GPR137C: variants seen among roughly 807,000 people sequenced by gnomAD.
GPR137C encodes G protein-coupled receptor 137C.
GPR137C carries 27 observed loss-of-function variants against 43.4 expected under a neutral mutation model. The observed-to-expected ratio is 0.62, with a 90% CI of 0.46 to 0.86. The LOEUF is 0.86. GPR137C is among the 40% of genes least tolerant of loss of function. GPR137C has a pLI of 0.00. For missense variants in GPR137C, 522 were observed against 534.6 expected (o/e 0.98, Z 0.23); for synonymous variants, 285 against 226.9 (o/e 1.26, Z -2.30).
At chr14:52,586,565 T>G (rs958490411) in intron 1 of GPR137C, among the ~76,000 whole-genome samples, 2 of 152,228 alleles carry the variant, frequency 1.3e-5, no homozygotes, top group Non-Finnish European at 2.9e-5. Flanking sequence ...CTGATTCTTA[T>G]GTTTCTCTCC....
At chr14:52,564,608 T>G (rs1375576980) in intron 1 of GPR137C, among the ~76,000 whole-genome samples, 1 of 152,150 alleles carries the variant, frequency 6.6e-6, no homozygotes, top group Non-Finnish European at 1.5e-5. Flanking sequence ...TCCAAAATTA[T>G]AGACTAGTAG....
intron 3 of GPR137C, among the ~76,000 whole-genome samples, chr14:52,626,704 A>T (rs187129499): frequency 9.2e-5 from 14 of 152,296 alleles, no homozygotes; most frequent in Non-Finnish European, 1.6e-4. Context: ...TGCAGATAAC[A>T]ATTGTTTAAG....
chr14:52,601,476 TTATG>T (rs2038923343), intron 3 of GPR137C, among the ~76,000 whole-genome samples: 1 of 137,620 alleles, frequency 7.3e-6, no homozygotes, highest in Non-Finnish European at 1.6e-5. Context: ...GGGGGAGATA[TTATG>T]TGTGTGTGTG....
At position 52,636,812 on chromosome 14, in the gene GPR137C, A is replaced by T. The variant is rs1385932932; in HGVS notation, c.*1697A>T. 6.6e-6 allele frequency: 1 copy of T among 152,122 alleles called. No individual in the cohort carries two copies. The highest frequency in any genetic ancestry group is 1.5e-5 in the Non-Finnish European group (1 of 67,986). 9.4% of individuals were successfully genotyped at this position (152,122 alleles called of 1,614,324 possible). On this transcript the variant is annotated 3_prime_UTR_variant, in exon 7 of 7. Transcript: ENST00000321662. Reference sequence around the variant, plus strand: ...TCTCTCATTGTAACCAAATTATTTTAAAATGTATAGTATAAAAAGTTACCC... The same window carrying T: ...TCTCTCATTGTAACCAAATTATTTTTAAATGTATAGTATAAAAAGTTACCC...
chr14:52,620,730 A>G (rs926018101), intron 3 of GPR137C, among the ~76,000 whole-genome samples: 3 of 152,006 alleles, frequency 2.0e-5, no homozygotes, highest in Non-Finnish European at 4.4e-5. Context: ...AATAAAAACT[A>G]TTAAAAAAAC....
chr14:52,631,672 C>G (rs959473039), intron 3 of GPR137C, among the ~76,000 whole-genome samples: 2 of 152,078 alleles, frequency 1.3e-5, no homozygotes, highest in African/African-American at 2.4e-5. Flanking sequence ...GCCATCAACA[C>G]TGTAGCATCA....
At chr14:52,582,383 C>A (rs2038659049) in intron 1 of GPR137C, among the ~76,000 whole-genome samples, 1 of 152,168 alleles carries the variant, frequency 6.6e-6, no homozygotes, top group Non-Finnish European at 1.5e-5. Context: ...TTCCTCAAGT[C>A]TTGGGATACT....
At chr14:52,567,528 CATTAGAA>C (rs1407686953) in intron 1 of GPR137C, among the ~76,000 whole-genome samples, 1 of 152,138 alleles carries the variant, frequency 6.6e-6, no homozygotes, top group African/African-American at 2.4e-5. Context: ...TCCTAAACCA[CATTAGAA>C]ATTAGAAGGA....
At chr14:52,567,619 G>A (rs1195721081) in intron 1 of GPR137C, among the ~76,000 whole-genome samples, 1 of 151,244 alleles carries the variant, frequency 6.6e-6, no homozygotes, top group Admixed American at 6.6e-5. Context: ...GCTATTGTCA[G>A]CGTTCATCAC....
At chr14:52,554,738 T>G (rs2038167297) in intron 1 of GPR137C, among the ~76,000 whole-genome samples, 1 of 151,924 alleles carries the variant, frequency 6.6e-6, no homozygotes, top group Non-Finnish European at 1.5e-5. Flanking sequence ...TGACGTATAT[T>G]AAGTGTTTAT....
At chr14:52,600,836 A>T (rs1456860511) in intron 3 of GPR137C, among the ~76,000 whole-genome samples, 2 of 152,236 alleles carry the variant, frequency 1.3e-5, no homozygotes, top group Non-Finnish European at 2.9e-5. Context: ...AAATCATGCT[A>T]GCATCTTAAG....
chr14:52,563,106 ATTAAC>A (rs1316175608), intron 1 of GPR137C, among the ~76,000 whole-genome samples: 5 of 152,116 alleles, frequency 3.3e-5, no homozygotes, highest in African/African-American at 1.2e-4. Flanking sequence ...CCTCATTCAA[ATTAAC>A]TTCTCAGCAG....
intron 3 of GPR137C, chr14:52,612,393 T>C: frequency 4.1e-6 from 4 of 977,344 alleles, no homozygotes; most frequent in Non-Finnish European, 4.9e-6. Flanking sequence ...CTTTAAGTGG[T>C]TTTCAAAAAA....
chr14:52,634,636 G>C (rs1566628972), intron 6 of GPR137C, among the ~76,000 whole-genome samples: 1 of 151,944 alleles, frequency 6.6e-6, no homozygotes. Flanking sequence ...TACATACATA[G>C]ATGTCTTAGA....
At chr14:52,594,982 T>C (rs1190244297) in intron 1 of GPR137C, among the ~76,000 whole-genome samples, 1 of 152,198 alleles carries the variant, frequency 6.6e-6, no homozygotes, top group Non-Finnish European at 1.5e-5. Flanking sequence ...TGTTTAGTGC[T>C]TCCTTCAGGA....
chr14:52,622,932 G>A (rs1026671355), intron 3 of GPR137C, among the ~76,000 whole-genome samples: 3 of 151,888 alleles, frequency 2.0e-5, no homozygotes, highest in African/African-American at 4.8e-5. Context: ...AGTCACTGCC[G>A]GTACAGTTCA....
chr14:52,609,769 A>G (rs1262186629), intron 3 of GPR137C, among the ~76,000 whole-genome samples: 1 of 152,234 alleles, frequency 6.6e-6, no homozygotes, highest in Non-Finnish European at 1.5e-5. Context: ...ACCCAAGTCC[A>G]GAAAACTGTC....
At chr14:52,631,758 C>A (rs1048774596) in intron 3 of GPR137C, among the ~76,000 whole-genome samples, 6 of 152,110 alleles carry the variant, frequency 3.9e-5, no homozygotes, top group Non-Finnish European at 8.8e-5. Flanking sequence ...TATTTCTATT[C>A]TAATTTTGTA....
At chr14:52,606,101 ATTGT>A (rs1461825540) in intron 3 of GPR137C, among the ~76,000 whole-genome samples, 3 of 152,206 alleles carry the variant, frequency 2.0e-5, no homozygotes, top group South Asian at 2.1e-4. Flanking sequence ...ATTTTTTGAA[ATTGT>A]TTGAGCAGAA....
Sources: allele counts gnomAD v4.1 joint callset (sites outside exome capture counted in the v4.1 genomes callset), GRCh38; gene constraint gnomAD v4.1.1; transcripts MANE v1.5; gene names NCBI Gene and HGNC (gene_info 2026-07-23, HGNC 2026-07-21).